The following ARID4A variants were observed in gnomAD, a reference collection of about 807,000 sequenced individuals.
The protein encoded by ARID4A is AT-rich interaction domain 4A.
ARID4A carries 39 observed loss-of-function variants against 148.6 expected under a neutral mutation model. The observed-to-expected ratio is 0.26, with a 90% CI of 0.20 to 0.34. The LOEUF is 0.34. Ranked by LOEUF, ARID4A falls within the 10% of genes least tolerant of loss-of-function variation. The pLI is 1.00. For missense variants in ARID4A, 1,265 were observed against 1,449.1 expected, an observed-to-expected ratio of 0.87 and a Z score of 2.06; for synonymous variants, 475 against 481.2, an observed-to-expected ratio of 0.99 and a Z score of 0.17.
intron 7 of ARID4A, among the ~76,000 whole-genome samples, chr14:58,320,518 G>A (rs940070021): frequency 5.9e-5 from 9 of 151,738 alleles, no homozygotes; most frequent in Admixed American, 4.6e-4. Context: ...TCAGGATCAT[G>A]CATTGCATAT....
At chr14:58,315,802 G>C (rs1481177879) in intron 5 of ARID4A, among the ~76,000 whole-genome samples, 1 of 152,168 alleles carries the variant, frequency 6.6e-6, no homozygotes, top group South Asian at 2.1e-4. Flanking sequence ...ATCATTGGAG[G>C]ATGTTGTGTT....
At chr14:58,315,585 AAAACCTTTCAGG>A (rs2032354521) in intron 5 of ARID4A, among the ~76,000 whole-genome samples, 1 of 152,196 alleles carries the variant, frequency 6.6e-6, no homozygotes, top group African/African-American at 2.4e-5. Context: ...AGAAAAGTTG[AAAACCTTTCAGG>A]TTTTATTCTT....
intron 7 of ARID4A, 113 bp from the exon 8 acceptor site, chr14:58,323,372 A>G (rs919937028): frequency 3.3e-6 from 4 of 1,206,908 alleles, no homozygotes; most frequent in Admixed American, 4.8e-5. Flanking sequence ...TGGAGAGGCT[A>G]CTACTTTAGG....
intron 23 of ARID4A, among the ~76,000 whole-genome samples, chr14:58,370,802 A>T (rs2035575488): frequency 6.6e-6 from 1 of 151,860 alleles, no homozygotes; most frequent in South Asian, 2.1e-4. Flanking sequence ...GTAGAGGCAT[A>T]TTCTCACTAT....
At chr14:58,331,488 C>G (rs2033518460) in intron 11 of ARID4A, 1 of 152,184 alleles carries the variant, frequency 6.6e-6, no homozygotes, top group South Asian at 2.1e-4. Context: ...AATCTAACCA[C>G]TTTGCATTTG....
At chr14:58,336,091 T>A (rs1461433362) in intron 11 of ARID4A, among the ~76,000 whole-genome samples, 1 of 151,872 alleles carries the variant, frequency 6.6e-6, no homozygotes, top group Non-Finnish European at 1.5e-5. Flanking sequence ...ACAAAAGAGG[T>A]TGTGGTTTTT....
intron 19 of ARID4A, 121 bp from the exon 20 acceptor site, chr14:58,364,049 A>C: frequency 2.2e-6 from 1 of 455,750 alleles, no homozygotes; most frequent in Non-Finnish European, 3.5e-6. Context: ...AAATTTCTAC[A>C]GGGAGGTATT....
intron 17 of ARID4A, 122 bp from the exon 18 acceptor site, chr14:58,359,010 C>G: frequency 9.0e-7 from 1 of 1,107,540 alleles, no homozygotes. Flanking sequence ...CATATTCTTG[C>G]CAACACTAAG....
Position 58,317,624 on chromosome 14 carries a change from C to CTTTTTTTTTT in ARID4A, c.275-903_275-894dup, listed in dbSNP as rs71107933. Among the ~76,000 whole-genome samples the CTTTTTTTTTT allele has an allele frequency of 7.2e-5, 5 of 69,888 alleles. 1 individual carries two copies. The highest frequency in any genetic ancestry group is 1.2e-4 in the Non-Finnish European group (5 of 41,020). 45.8% of individuals were successfully genotyped at this position (69,888 alleles called of 152,430 possible). A position where few individuals can be genotyped will look rare whatever the true frequency, so the allele number is the denominator to read the frequency against. Reference sequence around the variant, plus strand: ...TTTTTAAAAAAACCTTTATATTTGTCTTTTTTTTTTTTTTTTTTTTTTTTG... The same window carrying CTTTTTTTTTT: ...TTTTTAAAAAAACCTTTATATTTGTCTTTTTTTTTTTTTTTTTTTTTTTTTTTTTTTTTTG... On this transcript the variant is annotated intron_variant, in intron 5 of 23. Coordinates refer to ENST00000355431, the MANE Select transcript of ARID4A (RefSeq NM_002892.4).
intron 11 of ARID4A, among the ~76,000 whole-genome samples, chr14:58,337,242 T>TCTCTCTCTCTCTCTCTCTCTCTC: frequency 2.2e-5 from 1 of 45,662 alleles, no homozygotes. Context: ...AACCTTCTCT[T>TCTCTCTCTCTCTCTCTCTCTCTC]TATTTATATA....
chr14:58,344,678 A>G lies in ARID4A; in HGVS notation c.907-17A>G, dbSNP rs2034271107. On this transcript the variant is annotated splice_polypyrimidine_tract_variant and intron_variant, in intron 11 of 23. Coordinates refer to ENST00000355431, the MANE Select transcript of ARID4A (RefSeq NM_002892.4). The stretch of plus-strand genomic sequence containing the variant: ...CCAGTTCACTGTGCCATACATTTAT[A>G]TATTTTATCTTTACAGCCTGAGGAA... 7.6e-6 allele frequency: 12 copies of G among 1,575,936 alleles called. No homozygotes were observed. The highest frequency in any genetic ancestry group is 9.6e-6 in the Non-Finnish European group (11 of 1,150,578).
Position 58,318,796 on chromosome 14 carries a change from C to G in ARID4A, c.440C>G (p.Ser147Cys). ...AAGACGAACAGAGGAAGGAGATCTTCTCTTCCTGTGTGAGTTTTTTCATAT... is the reference window on the plus strand; with the variant it reads ...AAGACGAACAGAGGAAGGAGATCTTGTCTTCCTGTGTGAGTTTTTTCATAT... ...AKKTNRGRRS[S>C]LPVTEDEKEE... The change falls in exon 7 of 24, where the codon TCT becomes TGT. Residue 147 changes from serine to cysteine, a missense_variant. This residue lies in a region of ARID4A where 249 missense variants were observed against 277.2 expected (regional missense o/e 0.90). Coordinates refer to ENST00000355431, the MANE Select transcript of ARID4A (RefSeq NM_002892.4). The G allele has an allele frequency of 1.2e-6, 2 of 1,611,578 alleles. No individual in the cohort carries two copies. Among genetic ancestry groups the G allele is most frequent in the Non-Finnish European group, 1.7e-6 (2 of 1,177,800 alleles).
intron 11 of ARID4A, among the ~76,000 whole-genome samples, chr14:58,339,888 A>G (rs1396994592): frequency 1.3e-5 from 2 of 151,398 alleles, no homozygotes; most frequent in African/African-American, 4.9e-5. Context: ...GAGCACGCAA[A>G]GGGGGAAGTG....
intron 11 of ARID4A, among the ~76,000 whole-genome samples, chr14:58,332,777 A>G (rs1043955980): frequency 1.3e-5 from 2 of 152,166 alleles, no homozygotes; most frequent in Admixed American, 6.5e-5. Flanking sequence ...TAACGATGCT[A>G]TGCTTTTCGT....
intron 3 of ARID4A, among the ~76,000 whole-genome samples, chr14:58,302,955 G>C (rs924819884): frequency 6.6e-6 from 1 of 151,692 alleles, no homozygotes; most frequent in Non-Finnish European, 1.5e-5. Flanking sequence ...GCAAGACCCT[G>C]TCTCAAAAAA....
chr14:58,339,245 A>G (rs960650986), intron 11 of ARID4A, among the ~76,000 whole-genome samples: 2 of 151,940 alleles, frequency 1.3e-5, no homozygotes, highest in Non-Finnish European at 2.9e-5. Flanking sequence ...CCAAAGTGCT[A>G]GGATTACAGG....
At chr14:58,322,100 A>G (rs1478401588) in intron 7 of ARID4A, among the ~76,000 whole-genome samples, 3 of 151,802 alleles carry the variant, frequency 2.0e-5, no homozygotes. Context: ...CCTCTCGAGT[A>G]GCCAGGACTA....
At chr14:58,326,969 A>G (rs1303257949) in intron 8 of ARID4A, among the ~76,000 whole-genome samples, 1 of 152,188 alleles carries the variant, frequency 6.6e-6, no homozygotes, top group Admixed American at 6.5e-5. Flanking sequence ...TGGCACAGCT[A>G]TATTATTAGT....
In ARID4A at chr14:58,373,746, T is replaced by C. The variant is rs377634997; in HGVS notation, c.*1757T>C. On this transcript the variant is annotated 3_prime_UTR_variant, in exon 24 of 24. Coordinates refer to ENST00000355431, the MANE Select transcript of ARID4A (RefSeq NM_002892.4). ...TGTTTTAAACATAGGCTTTATACTTTTAGTTTTCATTTAAGTGATTGCTTT... is the reference window on the plus strand; with the variant it reads ...TGTTTTAAACATAGGCTTTATACTTCTAGTTTTCATTTAAGTGATTGCTTT... 2 of 167,260 alleles carry C rather than the reference T, an allele frequency of 1.2e-5. No individual in the cohort carries two copies. The highest frequency in any genetic ancestry group is 1.3e-5 in the Non-Finnish European group (1 of 76,654). The allele number at this position is 167,260 out of a possible 1,614,324, so 10.4% of individuals were successfully genotyped here.
Sources: gnomAD v4.1 joint callset for allele counts (sites outside exome capture counted in the v4.1 genomes callset) on GRCh38, gnomAD v4.1.1 for gene constraint, gnomAD v4.1.1 regional missense constraint, MANE v1.5 for transcripts, NCBI Gene and HGNC (gene_info 2026-07-23, HGNC 2026-07-21) for gene names.